RBFOX2: variants seen among roughly 807,000 people sequenced by gnomAD.
RBFOX2 encodes RNA binding protein fox-1 homolog 2.
In RBFOX2, 10 loss-of-function variants were observed where a neutral mutation model predicts 49.1. The observed-to-expected ratio is 0.20, with a 90% CI of 0.13 to 0.35. The LOEUF is 0.35. Ranked by LOEUF, RBFOX2 falls within the 10% of genes least tolerant of loss-of-function variation. The probability of loss-of-function intolerance (pLI) is 1.00; values close to 1 mark genes in which losing one functional copy is unlikely to be tolerated. For missense variants in RBFOX2, 323 were observed against 486.9 expected, an observed-to-expected ratio of 0.66 and a Z score of 3.17; for synonymous variants, 183 against 187.4, an observed-to-expected ratio of 0.98 and a Z score of 0.19.
chr22:35,880,418 T>C (rs1386976809), intron 1 of RBFOX2, among the ~76,000 whole-genome samples: 1 of 152,166 alleles, frequency 6.6e-6, no homozygotes, highest in East Asian at 1.9e-4. Flanking sequence ...GTAACTATTA[T>C]ATTACAGATG....
intron 1 of RBFOX2, among the ~76,000 whole-genome samples, chr22:35,891,511 A>G (rs980523081): frequency 1.3e-5 from 2 of 152,244 alleles, no homozygotes; most frequent in African/African-American, 4.8e-5. Context: ...CATTCATTAA[A>G]TGTTGGCTGA....
rs571665294 is a variant in RBFOX2 at position 35,754,277 on chromosome 22, G to C, written c.887+5611C>G. ...TGGCTAATTTTTTGTATTTTTAGTAGAGACAGGGTTTCACCATGTTAGCCA... is the reference window on the plus strand; with the variant it reads ...TGGCTAATTTTTTGTATTTTTAGTACAGACAGGGTTTCACCATGTTAGCCA... On this transcript the variant is annotated intron_variant, in intron 9 of 11. Coordinates refer to ENST00000405409, the Ensembl canonical transcript of RBFOX2. 8.6e-5 allele frequency among the ~76,000 whole-genome samples: 13 copies of C among 151,772 alleles called. No individual in the cohort carries two copies. The South Asian group carries it at 2.7e-3, about 32-fold the overall frequency.
chr22:35,870,590 T>C (rs2044250804), intron 1 of RBFOX2, among the ~76,000 whole-genome samples: 1 of 152,238 alleles, frequency 6.6e-6, no homozygotes, highest in African/African-American at 2.4e-5. Context: ...GCAGGAATAC[T>C]TGCAGACAAT....
At chr22:35,952,754 A>G in intron 1 of RBFOX2, among the ~76,000 whole-genome samples, 1 of 152,178 alleles carries the variant, frequency 6.6e-6, no homozygotes, top group South Asian at 2.1e-4. Flanking sequence ...TGTAAAATGG[A>G]GCAGCTGCTG....
At chr22:35,806,253 T>C (rs1429006604) in intron 2 of RBFOX2, among the ~76,000 whole-genome samples, 1 of 152,034 alleles carries the variant, frequency 6.6e-6, no homozygotes, top group Non-Finnish European at 1.5e-5. Context: ...AAGTCTGTAC[T>C]ATCTTCTCAG....
chr22:35,788,599 G>C (rs1172210082), intron 2 of RBFOX2, among the ~76,000 whole-genome samples: 1 of 152,170 alleles, frequency 6.6e-6, no homozygotes, highest in South Asian at 2.1e-4. Context: ...AATCCCTTCA[G>C]AATTTTGAAG....
chr22:35,796,699 G>T (rs1948852719), intron 2 of RBFOX2, among the ~76,000 whole-genome samples: 1 of 152,142 alleles, frequency 6.6e-6, no homozygotes, highest in African/African-American at 2.4e-5. Flanking sequence ...TCATGATTTT[G>T]TAACATTAAA....
intron 1 of RBFOX2, among the ~76,000 whole-genome samples, chr22:35,853,983 G>A (rs1213706172): frequency 1.3e-5 from 2 of 152,084 alleles, no homozygotes; most frequent in Admixed American, 6.5e-5. Context: ...GGCCAAGGCA[G>A]GTGGATCACC....
chr22:35,914,264 T>C (rs2050158296), intron 1 of RBFOX2, among the ~76,000 whole-genome samples: 1 of 152,078 alleles, frequency 6.6e-6, no homozygotes, highest in Non-Finnish European at 1.5e-5. Flanking sequence ...TCATAAGAAT[T>C]TAATAAGGTA....
At chr22:35,902,213 C>T (rs1401518065) in intron 1 of RBFOX2, among the ~76,000 whole-genome samples, 2 of 152,146 alleles carry the variant, frequency 1.3e-5, no homozygotes, top group Non-Finnish European at 2.9e-5. Flanking sequence ...CAATTTTTGA[C>T]GTCATGAAGT....
At chr22:35,818,283 C>T (rs1417121106) in intron 1 of RBFOX2, among the ~76,000 whole-genome samples, 1 of 152,172 alleles carries the variant, frequency 6.6e-6, no homozygotes, top group African/African-American at 2.4e-5. Context: ...GGTTCAGCTA[C>T]CTGCTTCTTT....
Position 35,798,589 on chromosome 22 carries a change from A to G in RBFOX2, c.252+11191T>C, listed in dbSNP as rs528565518. Reference sequence around the variant, plus strand: ...TTCACATGGCGGCTATGGTAACTCAATGGAGTTAACACATAAAAAGTGCTT... The same window carrying G: ...TTCACATGGCGGCTATGGTAACTCAGTGGAGTTAACACATAAAAAGTGCTT... On this transcript the variant is annotated intron_variant, in intron 2 of 11. Transcript: ENST00000405409. Among the ~76,000 whole-genome samples, 8 of 152,312 alleles carry G rather than the reference A, an allele frequency of 5.3e-5. No homozygotes were observed. The South Asian group carries it at 1.7e-3, about 32-fold the overall frequency.
intron 1 of RBFOX2, chr22:35,993,585 C>T (rs1243751256): frequency 2.6e-5 from 4 of 152,166 alleles, no homozygotes; most frequent in Admixed American, 2.0e-4. Context: ...AACTACACAG[C>T]TAAGTTGTCT....
chr22:35,792,350 GAAAAGAAAAGAAAAGA>G (rs1164178092), intron 2 of RBFOX2, among the ~76,000 whole-genome samples: 1 of 132,326 alleles, frequency 7.6e-6, no homozygotes, highest in Non-Finnish European at 1.6e-5. Flanking sequence ...GAAAAGAAAA[GAAAAGAAAAGAAAAGA>G]AAAAGAAAAA....
At chr22:35,858,327 T>A (rs534321226) in intron 1 of RBFOX2, among the ~76,000 whole-genome samples, 1 of 152,334 alleles carries the variant, frequency 6.6e-6, no homozygotes, top group Admixed American at 6.5e-5. Flanking sequence ...CTTACCCATT[T>A]CAAAATGCCC....
chr22:36,028,123 C>G, intron 1 of RBFOX2, 117 bp downstream of exon 1: 2 of 1,304,070 alleles, frequency 1.5e-6, no homozygotes, highest in East Asian at 6.3e-5. Context: ...AATGGCCCCC[C>G]ATCCCACCTC....
intron 1 of RBFOX2, among the ~76,000 whole-genome samples, chr22:35,949,941 CTTTTGTTGCCTGTGA>C (rs2054729657): frequency 6.6e-6 from 1 of 151,898 alleles, no homozygotes; most frequent in African/African-American, 2.4e-5. Context: ...TCTGTTTTTT[CTTTTGTTGCCTGTGA>C]TTTTGGTGTC....
intron 1 of RBFOX2, among the ~76,000 whole-genome samples, chr22:35,937,350 CCTAT>C (rs1000384131): frequency 7.9e-5 from 12 of 152,022 alleles, no homozygotes; most frequent in Non-Finnish European, 1.8e-4. Context: ...GGTAAATGGC[CCTAT>C]CTTTTACCAA....
At chr22:35,884,000 C>CTTTTTTTTTTTT (rs34644201) in intron 1 of RBFOX2, among the ~76,000 whole-genome samples, 2 of 62,640 alleles carry the variant, frequency 3.2e-5, no homozygotes, top group African/African-American at 6.4e-5. Context: ...GTAGTTATCT[C>CTTTTTTTTTTTT]TTTTTTTTTT....
Sources: allele counts gnomAD v4.1 joint callset (sites outside exome capture counted in the v4.1 genomes callset), GRCh38; gene constraint gnomAD v4.1.1; transcripts MANE v1.5; gene names NCBI Gene and HGNC (gene_info 2026-07-23, HGNC 2026-07-21).